The following ARHGAP24 variants were observed in gnomAD, a reference collection of about 807,000 sequenced individuals.
ARHGAP24 encodes the protein Rho GTPase activating protein 24, also known as rho GTPase-activating protein 24.
A neutral mutation model predicts 76.4 loss-of-function variants in ARHGAP24; 50 were observed. That is an observed-to-expected ratio of 0.65 (90% CI 0.52 to 0.83). The LOEUF (loss-of-function observed/expected upper bound fraction) is 0.83. ARHGAP24 is among the 40% of genes least tolerant of loss of function. ARHGAP24 has a pLI of 0.00. For synonymous variants in ARHGAP24, 345 were observed against 323.3 expected, an observed-to-expected ratio of 1.07 and a Z score of -0.72; for missense variants, 930 against 914.2, an observed-to-expected ratio of 1.02 and a Z score of -0.22.
At chr4:85,654,696 C>T (rs563821721) in intron 2 of ARHGAP24, among the ~76,000 whole-genome samples, 2 of 143,594 alleles carry the variant, frequency 1.4e-5, no homozygotes, top group Non-Finnish European at 3.0e-5. Context: ...CTGATAGAAG[C>T]CTGTATCCTA....
chr4:85,566,410 C>T (rs967743762), intron 1 of ARHGAP24, among the ~76,000 whole-genome samples: 3 of 152,100 alleles, frequency 2.0e-5, no homozygotes, highest in Admixed American at 1.3e-4. Flanking sequence ...TTCATAAGGG[C>T]AGTTTCAGGT....
chr4:85,511,909 CT>C, intron 1 of ARHGAP24, among the ~76,000 whole-genome samples: 1 of 152,234 alleles, frequency 6.6e-6, no homozygotes, highest in East Asian at 1.9e-4. Flanking sequence ...TGGCTTGCAG[CT>C]GCATAACTCT....
chr4:85,995,049 G>A lies in ARHGAP24; in HGVS notation c.1395G>A (p.Leu465=), dbSNP rs1445657444. The A allele has an allele frequency of 1.9e-6, 3 of 1,614,096 alleles. No homozygotes were observed. Among genetic ancestry groups the A allele is most frequent in the East Asian group, 4.5e-5 (2 of 44,864 alleles). ...GSLQARRSSS[L]KVSGTKMGTH... The stretch of plus-strand genomic sequence containing the variant: ...TACAGGCCAGAAGGAGCTCTTCACT[G>A]AAGGTATCTGGTACCAAAATGGGCA... The change falls in exon 9 of 10, where the codon CTG becomes CTA. Residue 465 remains leucine, a synonymous_variant. Transcript: ENST00000395184.
At chr4:85,991,940 GT>G (rs921323037) in intron 8 of ARHGAP24, 8 of 386,448 alleles carry the variant, frequency 2.1e-5, no homozygotes, top group Admixed American at 4.5e-5. Context: ...AAGTCCCTAG[GT>G]TTTTTTTAAA....
At chr4:85,525,906 C>T (rs994819103) in intron 1 of ARHGAP24, among the ~76,000 whole-genome samples, 2 of 152,150 alleles carry the variant, frequency 1.3e-5, no homozygotes, top group Admixed American at 1.3e-4. Flanking sequence ...ACTTTGTTCT[C>T]ACCCTTTATG....
At chr4:85,930,212 C>T (rs898660380) in intron 4 of ARHGAP24, 2 of 982,966 alleles carry the variant, frequency 2.0e-6, no homozygotes, top group African/African-American at 3.5e-5. Flanking sequence ...CTGCCTCCCC[C>T]CACAGATCCA....
At chr4:85,635,384 A>G (rs2109966078) in intron 2 of ARHGAP24, among the ~76,000 whole-genome samples, 1 of 151,880 alleles carries the variant, frequency 6.6e-6, no homozygotes, top group Middle Eastern at 3.4e-3. Flanking sequence ...ATTGTTTTTT[A>G]GTTTTTGTTA....
intron 2 of ARHGAP24, among the ~76,000 whole-genome samples, chr4:85,719,105 G>A (rs980882792): frequency 2.0e-5 from 3 of 152,152 alleles, no homozygotes; most frequent in East Asian, 1.9e-4. Flanking sequence ...AGTCATTTCA[G>A]TAAGTAGAAT....
intron 2 of ARHGAP24, among the ~76,000 whole-genome samples, chr4:85,617,281 G>T (rs1443241850): frequency 1.3e-5 from 2 of 148,990 alleles, no homozygotes; most frequent in Non-Finnish European, 3.0e-5. Context: ...TAGATATATT[G>T]ATATACTTAA....
chr4:85,564,484 A>T (rs779912920), intron 1 of ARHGAP24, among the ~76,000 whole-genome samples: 1 of 151,922 alleles, frequency 6.6e-6, no homozygotes, highest in Non-Finnish European at 1.5e-5. Flanking sequence ...TGGCACATGT[A>T]TACATATGTA....
intron 2 of ARHGAP24, among the ~76,000 whole-genome samples, chr4:85,682,547 G>A (rs768354949): frequency 2.0e-5 from 3 of 152,208 alleles, no homozygotes; most frequent in Non-Finnish European, 4.4e-5. Context: ...TTGGGAGCCA[G>A]CAAGAAGAGA....
At chr4:85,850,644 T>C (rs1023655765) in intron 3 of ARHGAP24, among the ~76,000 whole-genome samples, 3 of 152,222 alleles carry the variant, frequency 2.0e-5, no homozygotes, top group Non-Finnish European at 4.4e-5. Flanking sequence ...TTCTGGTACA[T>C]TGTGTCTTTG....
At chr4:85,623,992 G>A (rs1026723225) in intron 2 of ARHGAP24, among the ~76,000 whole-genome samples, 3 of 152,132 alleles carry the variant, frequency 2.0e-5, no homozygotes, top group African/African-American at 7.2e-5. Context: ...TTTGGGCTGA[G>A]ACAATGGGGT....
At chr4:85,854,571 C>A (rs1446567394) in intron 3 of ARHGAP24, among the ~76,000 whole-genome samples, 2 of 152,096 alleles carry the variant, frequency 1.3e-5, no homozygotes, top group Non-Finnish European at 2.9e-5. Context: ...TGGAAAGTTC[C>A]AAAATTTTAT....
chr4:85,622,156 T>A (rs1270691103), intron 2 of ARHGAP24, among the ~76,000 whole-genome samples: 1 of 152,124 alleles, frequency 6.6e-6, no homozygotes, highest in African/African-American at 2.4e-5. Context: ...TGCAGGTTTG[T>A]TACATATGTA....
chr4:85,522,385 A>C (rs532619008), intron 1 of ARHGAP24, among the ~76,000 whole-genome samples: 1 of 152,282 alleles, frequency 6.6e-6, no homozygotes, highest in African/African-American at 2.4e-5. Flanking sequence ...GAACATACAT[A>C]ATTGCTACAA....
intron 2 of ARHGAP24, among the ~76,000 whole-genome samples, chr4:85,695,407 T>G (rs1280583154): frequency 2.0e-5 from 3 of 152,158 alleles, no homozygotes; most frequent in African/African-American, 7.2e-5. Flanking sequence ...TTCATTTATC[T>G]CAGTGAAAGA....
chr4:85,938,402 C>T (rs1736774865), intron 4 of ARHGAP24, among the ~76,000 whole-genome samples: 1 of 152,134 alleles, frequency 6.6e-6, no homozygotes, highest in South Asian at 2.1e-4. Context: ...GGGGGCAGCA[C>T]ATGACCTTTG....
At chr4:85,914,238 T>C (rs1258767839) in intron 3 of ARHGAP24, among the ~76,000 whole-genome samples, 2 of 152,186 alleles carry the variant, frequency 1.3e-5, no homozygotes, top group African/African-American at 2.4e-5. Context: ...TACAAGCTAA[T>C]AGGATGAGTG....
Sources: gnomAD v4.1 joint callset for allele counts (sites outside exome capture counted in the v4.1 genomes callset) on GRCh38, gnomAD v4.1.1 for gene constraint, MANE v1.5 for transcripts, NCBI Gene and HGNC (gene_info 2026-07-23, HGNC 2026-07-21) for gene names.